Variants in SCML4 observed in about 807,000 individuals in gnomAD.
The protein encoded by SCML4 is sex comb on midleg-like protein 4.
SCML4 carries 34 observed loss-of-function variants against 41.1 expected under a neutral mutation model. The ratio of observed to expected loss-of-function variants is 0.83; its 90% CI spans 0.63 to 1.10. The LOEUF is 1.10. Ranked by LOEUF, SCML4 falls within the 50% of genes least tolerant of loss-of-function variation. SCML4 has a pLI of 0.00. For missense variants in SCML4, 522 were observed against 534.1 expected, an observed-to-expected ratio of 0.98 and a Z score of 0.22; for synonymous variants, 214 against 220.9, an observed-to-expected ratio of 0.97 and a Z score of 0.28.
chr6:107,745,145 T>C lies in SCML4; in HGVS notation c.488-2A>G. 6.4e-7 allele frequency: 1 copy of C among 1,561,760 alleles called. No individual in the cohort carries two copies. The highest frequency in any genetic ancestry group is 8.7e-7 in the Non-Finnish European group (1 of 1,151,718). ...GTTTGCCATCAAAGGAAGCCGAGAC[T>C]GGAAAACCAGAGAGATGTCAGCTTA... On this transcript the variant is annotated splice_acceptor_variant, in intron 4 of 7. Transcript: ENST00000369020. LOFTEE classifies it high-confidence loss of function.
chr6:107,725,821 C>T (rs1249151209), intron 5 of SCML4, among the ~76,000 whole-genome samples: 2 of 152,130 alleles, frequency 1.3e-5, no homozygotes, highest in Non-Finnish European at 2.9e-5. Flanking sequence ...GTGGCTCATG[C>T]CTGTAATCCC....
the SCML4 span, among the ~76,000 whole-genome samples, chr6:107,835,008 T>G: frequency 2.0e-5 from 3 of 151,610 alleles, no homozygotes; most frequent in African/African-American, 7.3e-5. Flanking sequence ...ATTACTAATA[T>G]CTTAAAAGAC....
upstream of SCML4, among the ~76,000 whole-genome samples, chr6:107,825,936 CAAAAAA>C (rs71015515): frequency 2.3e-3 from 142 of 62,626 alleles, 2 homozygotes; most frequent in Non-Finnish European, 2.6e-3. Context: ...GACTCCATCT[CAAAAAA>C]AAAAAAAAAA....
At chr6:107,782,693 C>G (rs36079271) in intron 1 of SCML4, among the ~76,000 whole-genome samples, 17 of 139,160 alleles carry the variant, frequency 1.2e-4, no homozygotes, top group Middle Eastern at 4.5e-3. Flanking sequence ...TGCCTGATGG[C>G]AGGTGCTGGT....
intron 1 of SCML4, among the ~76,000 whole-genome samples, chr6:107,778,941 G>A (rs1293603029): frequency 1.3e-5 from 2 of 152,168 alleles, no homozygotes; most frequent in Non-Finnish European, 2.9e-5. Flanking sequence ...AGCGCTTTGG[G>A]AGGCCGAGGC....
intron 1 of SCML4, among the ~76,000 whole-genome samples, chr6:107,791,101 G>A (rs1782293256): frequency 6.7e-6 from 1 of 150,368 alleles, no homozygotes; most frequent in Non-Finnish European, 1.5e-5. Context: ...AACAAGCCCA[G>A]GGTCACTAAA....
At chr6:107,767,675 A>T (rs538914197) in intron 2 of SCML4, among the ~76,000 whole-genome samples, 85 of 152,298 alleles carry the variant, frequency 5.6e-4, no homozygotes, top group Non-Finnish European at 1.3e-4. Context: ...GCTGTTCCCA[A>T]ATATCCATTC....
At chr6:107,748,973 G>C (rs1444993407) in intron 3 of SCML4, among the ~76,000 whole-genome samples, 1 of 152,220 alleles carries the variant, frequency 6.6e-6, no homozygotes, top group Non-Finnish European at 1.5e-5. Flanking sequence ...GAAGAGCAGT[G>C]GGGTGACCCA....
At chr6:107,707,021 A>G (rs1332507737) in intron 7 of SCML4, among the ~76,000 whole-genome samples, 2 of 152,140 alleles carry the variant, frequency 1.3e-5, no homozygotes, top group Non-Finnish European at 2.9e-5. Context: ...CGTTGGTGGT[A>G]ATCTGTTACA....
At chr6:107,791,306 G>A (rs753002984) in intron 1 of SCML4, among the ~76,000 whole-genome samples, 13 of 152,088 alleles carry the variant, frequency 8.5e-5, no homozygotes, top group Non-Finnish European at 1.3e-4. Context: ...GATGGCAGAC[G>A]CATGCTAAGA....
At chr6:107,816,060 G>A (rs568861879) in intron 1 of SCML4, among the ~76,000 whole-genome samples, 3 of 152,272 alleles carry the variant, frequency 2.0e-5, no homozygotes, top group South Asian at 2.1e-4. Context: ...AGACACGGAC[G>A]CCCCGGCCAC....
At chr6:107,730,494 A>T (rs1400761226) in intron 5 of SCML4, among the ~76,000 whole-genome samples, 2 of 152,254 alleles carry the variant, frequency 1.3e-5, no homozygotes, top group Admixed American at 6.5e-5. Context: ...AAGGTAAATG[A>T]GTGGCTTTTT....
chr6:107,835,132 G>A, the SCML4 span, among the ~76,000 whole-genome samples: 2 of 151,954 alleles, frequency 1.3e-5, no homozygotes, highest in African/African-American at 2.4e-5. Context: ...AGGCCGAGGC[G>A]GGTGGATTAC....
the SCML4 span, among the ~76,000 whole-genome samples, chr6:107,829,555 CAG>C: frequency 2.6e-5 from 4 of 151,938 alleles, no homozygotes; most frequent in African/African-American, 4.8e-5. Context: ...CACACAGACA[CAG>C]GGGGAACATC....
rs779273219 is a variant in SCML4, at chr6:107,720,850, C to T, written c.826G>A (p.Asp276Asn). The change falls in exon 6 of 8, where the codon GAC becomes AAC. Residue 276 changes from aspartate (D) to asparagine (N), a missense_variant. By Grantham distance (23) the Asp-to-Asn change is conservative. Transcript: ENST00000369020. Reference protein sequence around the residue: ...SLYCKRQNSGDSHLGGGPAAT... With the variant: ...SLYCKRQNSGNSHLGGGPAAT... ...GCAGGACCACCCCCAAGGTGGCTGT[C>T]TCCAGAGTTCTGCCTCTTGCAGTAC... The T allele has an allele frequency of 2.0e-5, 33 of 1,614,048 alleles. No homozygotes were observed. In the East Asian group the frequency reaches 6.2e-4, roughly 31 times the overall value.
At position 107,746,722 on chromosome 6, in the gene SCML4, C is replaced by T. The variant is rs757463631; in HGVS notation, c.454G>A (p.Val152Ile). 21 of 1,614,054 alleles carry T rather than the reference C, an allele frequency of 1.3e-5. No homozygotes were observed. The highest frequency in any genetic ancestry group is 5.0e-5 in the Admixed American group (3 of 60,010). Residue 152 changes from valine to isoleucine, a missense_variant, in exon 4 of 8, where the codon GTC (valine) becomes ATC (isoleucine). Physicochemically the swap from Val to Ile is conservative, Grantham distance 29 (BLOSUM62 3). Coordinates refer to ENST00000369020, the MANE Select transcript of SCML4 (RefSeq NM_198081.5). Reference protein sequence around the residue: ...AHQQKLVFSLVKQGYGGEMVS... With the variant: ...AHQQKLVFSLIKQGYGGEMVS... ...ATCTCACCACCATAGCCCTGCTTGA[C>T]CAGGGAGAAGACCAGCTTCTGCTGG...
At chr6:107,834,397 C>T in the SCML4 span, among the ~76,000 whole-genome samples, 3 of 152,308 alleles carry the variant, frequency 2.0e-5, no homozygotes, top group South Asian at 6.2e-4. Context: ...CAGCAGAGAT[C>T]CACAGCCCCT....
chr6:107,820,276 G>T (rs1784849401), intron 1 of SCML4, among the ~76,000 whole-genome samples: 1 of 152,188 alleles, frequency 6.6e-6, no homozygotes, highest in Non-Finnish European at 1.5e-5. Flanking sequence ...GGGATGATCT[G>T]CATCCATCAC....
At chr6:107,737,302 C>G (rs967978113) in intron 5 of SCML4, among the ~76,000 whole-genome samples, 4 of 152,164 alleles carry the variant, frequency 2.6e-5, no homozygotes, top group African/African-American at 9.7e-5. Context: ...CACCAGAGAC[C>G]ATGCTTCAGG....
Sources: allele counts gnomAD v4.1 joint callset (sites outside exome capture counted in the v4.1 genomes callset), GRCh38; gene constraint gnomAD v4.1.1; transcripts MANE v1.5; gene names NCBI Gene and HGNC (gene_info 2026-07-23, HGNC 2026-07-21).